The following EXOC6B variants were observed in gnomAD, a reference collection of about 807,000 sequenced individuals.
The protein encoded by EXOC6B is SEC15 homolog B.
EXOC6B carries 54 observed loss-of-function variants against 113.5 expected under a neutral mutation model. The observed-to-expected ratio is 0.48, with a 90% CI of 0.38 to 0.60. EXOC6B has a LOEUF of 0.60. EXOC6B is among the 20% of genes least tolerant of loss of function. The pLI, the probability that EXOC6B is intolerant of heterozygous loss-of-function variation, is 0.00. For synonymous variants in EXOC6B, 357 were observed against 339.0 expected (o/e 1.05, Z -0.58); for missense variants, 797 against 977.5 (o/e 0.82, Z 2.46).
intron 6 of EXOC6B, among the ~76,000 whole-genome samples, chr2:72,707,265 C>A (rs1678944437): frequency 6.6e-6 from 1 of 152,026 alleles, no homozygotes; most frequent in African/African-American, 2.4e-5. Flanking sequence ...TTCAAATGCA[C>A]CTTATTATTA....
intron 17 of EXOC6B, among the ~76,000 whole-genome samples, chr2:72,467,190 T>C (rs368372110): frequency 2.6e-5 from 4 of 152,230 alleles, no homozygotes; most frequent in Admixed American, 2.0e-4. Context: ...CTGTATAGTA[T>C]TGCATTCTGT....
At chr2:72,496,600 C>T (rs375239014) in intron 13 of EXOC6B, 41 bp from the exon 14 acceptor site, 4 of 837,162 alleles carry the variant, frequency 4.8e-6, no homozygotes, top group Non-Finnish European at 7.6e-6. Flanking sequence ...GAAGGATAGA[C>T]AAAGTGGGGG....
intron 20 of EXOC6B, among the ~76,000 whole-genome samples, chr2:72,294,726 T>C (rs1377450236): frequency 6.6e-6 from 1 of 152,108 alleles, no homozygotes; most frequent in Non-Finnish European, 1.5e-5. Flanking sequence ...TCTTTGCTAA[T>C]AACGTAGAAT....
At chr2:72,306,112 G>T (rs1458793191) in intron 20 of EXOC6B, among the ~76,000 whole-genome samples, 3 of 151,450 alleles carry the variant, frequency 2.0e-5, no homozygotes, top group Non-Finnish European at 4.4e-5. Context: ...ACACAGTAAG[G>T]GATCTCTCAA....
At chr2:72,397,477 G>A (rs1489917858) in intron 18 of EXOC6B, among the ~76,000 whole-genome samples, 2 of 151,198 alleles carry the variant, frequency 1.3e-5, no homozygotes, top group Non-Finnish European at 2.9e-5. Flanking sequence ...AAAATTAGCC[G>A]GGCATGGTGG....
intron 1 of EXOC6B, among the ~76,000 whole-genome samples, chr2:72,744,413 G>A (rs1432413568): frequency 2.0e-5 from 3 of 152,158 alleles, no homozygotes; most frequent in Non-Finnish European, 4.4e-5. Flanking sequence ...TAGGAAAACT[G>A]TAGAATAACC....
At chr2:72,377,671 T>C (rs924184429) in intron 19 of EXOC6B, among the ~76,000 whole-genome samples, 7 of 152,078 alleles carry the variant, frequency 4.6e-5, no homozygotes, top group Admixed American at 4.6e-4. Flanking sequence ...CTCATAGAAG[T>C]AGACAGCAGA....
intron 20 of EXOC6B, among the ~76,000 whole-genome samples, chr2:72,248,372 T>C (rs1258172703): frequency 1.3e-5 from 2 of 152,238 alleles, no homozygotes; most frequent in African/African-American, 2.4e-5. Flanking sequence ...TCAAATATAA[T>C]GGTTTTATCT....
At chr2:72,568,456 T>C (rs1050556622) in intron 7 of EXOC6B, among the ~76,000 whole-genome samples, 7 of 152,022 alleles carry the variant, frequency 4.6e-5, no homozygotes, top group African/African-American at 1.4e-4. Flanking sequence ...TTACAGTATT[T>C]GGAGTTCCAA....
intron 20 of EXOC6B, among the ~76,000 whole-genome samples, chr2:72,240,557 C>T (rs1039009934): frequency 2.6e-5 from 4 of 152,000 alleles, no homozygotes; most frequent in Non-Finnish European, 5.9e-5. Flanking sequence ...CTCTTGAGCC[C>T]GGATGTTAGC....
At chr2:72,606,826 G>C (rs1670786371) in intron 6 of EXOC6B, among the ~76,000 whole-genome samples, 1 of 151,726 alleles carries the variant, frequency 6.6e-6, no homozygotes, top group African/African-American at 2.4e-5. Context: ...GACCAGGCTG[G>C]TCTTGAACTC....
At chr2:72,544,672 C>G (rs1344514898) in intron 8 of EXOC6B, among the ~76,000 whole-genome samples, 19 of 151,914 alleles carry the variant, frequency 1.3e-4, no homozygotes, top group Admixed American at 1.2e-3. Flanking sequence ...AGAGAGGGTG[C>G]CCTCTTTTAT....
At chr2:72,309,188 C>T (rs1687056802) in intron 20 of EXOC6B, among the ~76,000 whole-genome samples, 1 of 152,096 alleles carries the variant, frequency 6.6e-6, no homozygotes, top group African/African-American at 2.4e-5. Flanking sequence ...ACCACCTAGT[C>T]ACTTTTCTAG....
At chr2:72,398,479 T>A (rs1692899000) in intron 18 of EXOC6B, among the ~76,000 whole-genome samples, 1 of 151,998 alleles carries the variant, frequency 6.6e-6, no homozygotes, top group Non-Finnish European at 1.5e-5. Flanking sequence ...GGTGGATCAC[T>A]TGAGGTCAGG....
chr2:72,617,214 G>T (rs1287032444), intron 6 of EXOC6B, among the ~76,000 whole-genome samples: 1 of 152,196 alleles, frequency 6.6e-6, no homozygotes, highest in African/African-American at 2.4e-5. Flanking sequence ...CCCCCCTCCT[G>T]GCTGCTTTCA....
At chr2:72,313,495 A>T (rs1366637435) in intron 20 of EXOC6B, among the ~76,000 whole-genome samples, 1 of 152,228 alleles carries the variant, frequency 6.6e-6, no homozygotes, top group Non-Finnish European at 1.5e-5. Flanking sequence ...CAGTATACAA[A>T]TCAAGACTCA....
At chr2:72,406,146 G>C (rs556987329) in intron 18 of EXOC6B, among the ~76,000 whole-genome samples, 1 of 152,206 alleles carries the variant, frequency 6.6e-6, no homozygotes, top group Non-Finnish European at 1.5e-5. Flanking sequence ...TCAACAAGAA[G>C]AGCTCACTAT....
chr2:72,621,762 G>C (rs1051712179), intron 6 of EXOC6B, among the ~76,000 whole-genome samples: 1 of 152,072 alleles, frequency 6.6e-6, no homozygotes, highest in Admixed American at 6.6e-5. Context: ...CATTAATACA[G>C]ATGAATCAGA....
chr2:72,565,848 G>A (rs1489030243), intron 7 of EXOC6B, among the ~76,000 whole-genome samples: 3 of 152,062 alleles, frequency 2.0e-5, no homozygotes, highest in Non-Finnish European at 2.9e-5. Context: ...TGGGGTGGGT[G>A]GTGGGGTATA....
Sources: allele counts gnomAD v4.1 joint callset (sites outside exome capture counted in the v4.1 genomes callset), GRCh38; gene constraint gnomAD v4.1.1; transcripts MANE v1.5; gene names NCBI Gene and HGNC (gene_info 2026-07-23, HGNC 2026-07-21).